The following TENM2 variants were observed in gnomAD, a reference collection of about 807,000 sequenced individuals.
TENM2 encodes the protein teneurin transmembrane protein 2.
In TENM2, 52 loss-of-function variants were observed where a neutral mutation model predicts 245.2. The ratio of observed to expected loss-of-function variants is 0.21; its 90% CI spans 0.17 to 0.27. The LOEUF (loss-of-function observed/expected upper bound fraction) is 0.27. Ranked by LOEUF, TENM2 falls within the 10% of genes least tolerant of loss-of-function variation. The pLI is 1.00. For missense variants in TENM2, 3,046 were observed against 3,666.8 expected, an observed-to-expected ratio of 0.83 and a Z score of 4.37; for synonymous variants, 1,363 against 1,438.9, an observed-to-expected ratio of 0.95 and a Z score of 1.19.
the TENM2 span, among the ~76,000 whole-genome samples, chr5:167,056,813 T>A: frequency 2.6e-5 from 4 of 151,288 alleles, no homozygotes; most frequent in African/African-American, 9.7e-5. Context: ...CTCTCCCTCC[T>A]ATTTTCATTT....
the TENM2 span, among the ~76,000 whole-genome samples, chr5:167,182,357 T>C: frequency 6.6e-6 from 1 of 152,130 alleles, no homozygotes; most frequent in African/African-American, 2.4e-5. Context: ...TGTTTTATAT[T>C]TTCTTGAGAG....
intron 18 of TENM2, among the ~76,000 whole-genome samples, chr5:168,204,127 C>T (rs1032772700): frequency 2.6e-5 from 4 of 152,190 alleles, no homozygotes; most frequent in African/African-American, 7.2e-5. Flanking sequence ...CCTCCTGCCC[C>T]AGCCTACCAG....
intron 2 of TENM2, among the ~76,000 whole-genome samples, chr5:167,540,073 A>C (rs1431844739): frequency 6.6e-6 from 1 of 152,160 alleles, no homozygotes. Flanking sequence ...TACAACTTTT[A>C]TTTTTCTTCG....
At chr5:167,247,702 T>C in the TENM2 span, among the ~76,000 whole-genome samples, 3 of 152,190 alleles carry the variant, frequency 2.0e-5, no homozygotes, top group Non-Finnish European at 4.4e-5. Context: ...ACATTGTTCC[T>C]TTCTGCTTTT....
chr5:167,433,300 C>G (rs1432378615), intron 2 of TENM2, among the ~76,000 whole-genome samples: 1 of 151,992 alleles, frequency 6.6e-6, no homozygotes, highest in Non-Finnish European at 1.5e-5. Flanking sequence ...GTTCTCTACT[C>G]AGTATATTTT....
At chr5:168,013,559 G>A (rs544435968) in intron 5 of TENM2, among the ~76,000 whole-genome samples, 111 of 152,194 alleles carry the variant, frequency 7.3e-4, no homozygotes, top group Middle Eastern at 6.8e-3. Context: ...AGCCGAGATC[G>A]TGCCACTGCA....
chr5:167,435,327 G>T (rs1764482416), intron 2 of TENM2, among the ~76,000 whole-genome samples: 1 of 152,250 alleles, frequency 6.6e-6, no homozygotes, highest in East Asian at 1.9e-4. Flanking sequence ...AATTATGGGG[G>T]CAAGTCTTTC....
At chr5:167,475,387 A>T (rs1767305999) in intron 2 of TENM2, among the ~76,000 whole-genome samples, 1 of 152,192 alleles carries the variant, frequency 6.6e-6, no homozygotes, top group South Asian at 2.1e-4. Context: ...AATCATGAAA[A>T]TATTTTATTT....
intron 1 of TENM2, among the ~76,000 whole-genome samples, chr5:167,338,518 T>C (rs1365167667): frequency 6.6e-6 from 1 of 152,236 alleles, no homozygotes; most frequent in East Asian, 1.9e-4. Context: ...TATTAAAGGC[T>C]AGCTGTAAGG....
At chr5:167,958,191 CTCT>C (rs1221366228) in intron 4 of TENM2, among the ~76,000 whole-genome samples, 12 of 152,152 alleles carry the variant, frequency 7.9e-5, no homozygotes, top group African/African-American at 2.9e-4. Flanking sequence ...GGATAGTTAG[CTCT>C]TCTTGTTGCT....
At chr5:167,682,293 G>C (rs1756783985) in intron 2 of TENM2, among the ~76,000 whole-genome samples, 1 of 151,840 alleles carries the variant, frequency 6.6e-6, no homozygotes, top group African/African-American at 2.4e-5. Context: ...CTCCCGAGTA[G>C]CTGGGATTAC....
At chr5:167,406,182 G>T (rs55786063) in intron 2 of TENM2, among the ~76,000 whole-genome samples, 63,149 of 151,902 alleles carry the variant, frequency 0.42, 14,219 homozygotes, top group Non-Finnish European at 0.49. Flanking sequence ...TTTAATTAAA[G>T]GTACTTGTAA....
At chr5:167,921,278 G>A (rs559561996) in intron 3 of TENM2, among the ~76,000 whole-genome samples, 16 of 152,258 alleles carry the variant, frequency 1.1e-4, no homozygotes, top group African/African-American at 2.6e-4. Context: ...GATTTCACTC[G>A]CTGTGTACAG....
intron 4 of TENM2, among the ~76,000 whole-genome samples, chr5:167,973,712 G>A (rs1225315293): frequency 6.6e-6 from 1 of 152,032 alleles, no homozygotes; most frequent in Non-Finnish European, 1.5e-5. Flanking sequence ...GAGAGAATAG[G>A]AAAAGGCCGG....
the TENM2 span, among the ~76,000 whole-genome samples, chr5:167,279,724 T>C: frequency 1.3e-4 from 20 of 152,300 alleles, no homozygotes; most frequent in East Asian, 3.7e-3. Context: ...TTCTGAAATT[T>C]TCACTGGGGT....
intron 2 of TENM2, among the ~76,000 whole-genome samples, chr5:167,617,071 A>G (rs980275912): frequency 2.0e-5 from 3 of 152,142 alleles, no homozygotes; most frequent in African/African-American, 7.2e-5. Context: ...GTTGGAGCAG[A>G]GCTTCTGTGT....
the TENM2 span, among the ~76,000 whole-genome samples, chr5:167,040,452 G>A: frequency 2.6e-5 from 4 of 151,952 alleles, no homozygotes; most frequent in African/African-American, 7.2e-5. Flanking sequence ...ATCAAATCAT[G>A]ATACTAGGTC....
the TENM2 span, among the ~76,000 whole-genome samples, chr5:167,242,105 A>G: frequency 4.8e-5 from 7 of 146,942 alleles, no homozygotes; most frequent in Admixed American, 2.8e-4. Flanking sequence ...AGTGCAGTGC[A>G]GTGGCATGAT....
chr5:167,452,950 T>TATATATTTTTTTTTTTTTTAA (rs1561968212), intron 2 of TENM2, among the ~76,000 whole-genome samples: 3 of 99,630 alleles, frequency 3.0e-5, no homozygotes, highest in Admixed American at 1.2e-4. Context: ...TATATATATA[T>TATATATTTTTTTTTTTTTTAA]ATATATATAT....
Sources: gnomAD v4.1 joint callset for allele counts (sites outside exome capture counted in the v4.1 genomes callset) on GRCh38, gnomAD v4.1.1 for gene constraint, MANE v1.5 for transcripts, NCBI Gene and HGNC (gene_info 2026-07-23, HGNC 2026-07-21) for gene names.